The following CTIF variants were observed in gnomAD, a reference collection of about 807,000 sequenced individuals.
CTIF encodes CBP80/20-dependent translation initiation factor.
In CTIF, 21 loss-of-function variants were observed where a neutral mutation model predicts 66.0. That is an observed-to-expected ratio of 0.32 (90% CI 0.23 to 0.46). CTIF has a LOEUF of 0.46. CTIF is among the 20% of genes least tolerant of loss of function. The probability of loss-of-function intolerance (pLI) is 1.00; values close to 1 mark genes in which losing one functional copy is unlikely to be tolerated. For missense variants in CTIF, 739 were observed against 812.7 expected (o/e 0.91, Z 1.10); for synonymous variants, 345 against 326.4 (o/e 1.06, Z -0.62).
chr18:48,758,284 G>A lies in CTIF; in HGVS notation c.950G>A (p.Gly317Glu). The A allele has an allele frequency of 6.2e-7, 1 of 1,613,460 alleles. No homozygotes were observed. ...ASERLPPQQS[G>E]GPEVETKRKD... ...GAGCGGCTGCCCCCACAGCAGTCAG[G>A]GGGGCCAGAGGTTGAGACAAAACGT... The change falls in exon 8 of 12, where the codon GGG becomes GAG. Residue 317 changes from glycine (G) to glutamate (E), a missense_variant. Physicochemically the swap from Gly to Glu is moderately conservative, Grantham distance 98. Coordinates refer to ENST00000256413, the MANE Select transcript of CTIF (RefSeq NM_014772.3).
chr18:48,814,387 C>A (rs1194332445), intron 9 of CTIF, among the ~76,000 whole-genome samples: 1 of 152,300 alleles, frequency 6.6e-6, no homozygotes, highest in East Asian at 1.9e-4. Context: ...GGGGTCCCAA[C>A]ATCAGCAGCC....
At chr18:48,596,273 G>A (rs2089985623) in intron 1 of CTIF, among the ~76,000 whole-genome samples, 1 of 152,176 alleles carries the variant, frequency 6.6e-6, no homozygotes, top group Non-Finnish European at 1.5e-5. Flanking sequence ...AGGGCTCTGT[G>A]ATCACAGGGG....
intron 10 of CTIF, among the ~76,000 whole-genome samples, chr18:48,839,147 C>T (rs572264712): frequency 2.1e-4 from 32 of 152,244 alleles, no homozygotes; most frequent in African/African-American, 7.5e-4. Flanking sequence ...TCGGCTAGGC[C>T]ACTGTTTCCT....
At chr18:48,796,453 G>A (rs1330155219) in intron 9 of CTIF, among the ~76,000 whole-genome samples, 1 of 152,190 alleles carries the variant, frequency 6.6e-6, no homozygotes, top group African/African-American at 2.4e-5. Context: ...TGGGATTACA[G>A]GTGTGAGCCA....
chr18:48,593,877 C>T (rs2089940441), intron 1 of CTIF, among the ~76,000 whole-genome samples: 1 of 151,910 alleles, frequency 6.6e-6, no homozygotes, highest in Non-Finnish European at 1.5e-5. Context: ...AGGGCCAGGC[C>T]CAGTGATGCT....
intron 10 of CTIF, among the ~76,000 whole-genome samples, chr18:48,828,271 G>A (rs1241112748): frequency 6.6e-6 from 1 of 152,140 alleles, no homozygotes; most frequent in Non-Finnish European, 1.5e-5. Context: ...CATGGCTCAG[G>A]AGGACATCTC....
At chr18:48,720,697 G>A (rs2092326984) in intron 7 of CTIF, among the ~76,000 whole-genome samples, 1 of 152,144 alleles carries the variant, frequency 6.6e-6, no homozygotes, top group Admixed American at 6.5e-5. Flanking sequence ...CAAGCCAGAT[G>A]TCCAGGTCCA....
chr18:48,630,741 T>C (rs543680245), intron 2 of CTIF, among the ~76,000 whole-genome samples: 6 of 152,140 alleles, frequency 3.9e-5, no homozygotes, highest in African/African-American at 1.4e-4. Context: ...GGTGGCGCGA[T>C]CTCTGCTTAC....
intron 1 of CTIF, among the ~76,000 whole-genome samples, chr18:48,546,381 C>T (rs1296749230): frequency 6.6e-6 from 1 of 152,132 alleles, no homozygotes; most frequent in Non-Finnish European, 1.5e-5. Context: ...GGTGGGAGGT[C>T]AGTCAGGGAA....
chr18:48,547,046 T>A (rs1196237905), intron 1 of CTIF, among the ~76,000 whole-genome samples: 1 of 152,162 alleles, frequency 6.6e-6, no homozygotes, highest in African/African-American at 2.4e-5. Context: ...TGCCCTTTGC[T>A]GACTTAAATC....
intron 9 of CTIF, among the ~76,000 whole-genome samples, chr18:48,791,392 G>A (rs1458855985): frequency 6.6e-6 from 1 of 152,160 alleles, no homozygotes; most frequent in African/African-American, 2.4e-5. Flanking sequence ...CCTTCTTTAA[G>A]AGAAAGGCAG....
At chr18:48,730,428 C>G (rs28589287) in intron 7 of CTIF, among the ~76,000 whole-genome samples, 1,805 of 23,800 alleles carry the variant, frequency 0.076, 44 homozygotes, top group Middle Eastern at 0.18. Context: ...GGCCCCTGCG[C>G]TGTGAGGGGC....
chr18:48,581,170 G>T (rs143319106), intron 1 of CTIF, among the ~76,000 whole-genome samples: 11 of 151,666 alleles, frequency 7.3e-5, no homozygotes, highest in Admixed American at 6.6e-5. Flanking sequence ...TACTGTTTTC[G>T]CAAATGCAGG....
Position 48,839,601 on chromosome 18 carries a change from A to AAC in CTIF, c.1528-17987_1528-17986insAC, listed in dbSNP as rs1568260152. On this transcript the variant is annotated intron_variant, in intron 10 of 11. Coordinates refer to ENST00000256413, the MANE Select transcript of CTIF (RefSeq NM_014772.3). ...GACACAGAGGGGTTGCCTGTATTGC[A>AAC]CAACATGACTGGTGGGGCGGCTGAA... Among the ~76,000 whole-genome samples the AAC allele has an allele frequency of 2.0e-5, 3 of 152,336 alleles. No individual in the cohort carries two copies. In the East Asian group the frequency reaches 5.8e-4, roughly 29 times the overall value.
At chr18:48,772,888 T>G (rs1346783175) in intron 9 of CTIF, among the ~76,000 whole-genome samples, 2 of 152,218 alleles carry the variant, frequency 1.3e-5, no homozygotes, top group African/African-American at 4.8e-5. Context: ...AATTTTATCT[T>G]TAGCTTTTTG....
At chr18:48,654,724 C>G (rs184959494) in intron 3 of CTIF, among the ~76,000 whole-genome samples, 2 of 152,310 alleles carry the variant, frequency 1.3e-5, no homozygotes, top group Admixed American at 6.5e-5. Context: ...GGAACCAACC[C>G]AAATGTCTAC....
At chr18:48,787,155 A>G (rs1053380438) in intron 9 of CTIF, among the ~76,000 whole-genome samples, 2 of 151,882 alleles carry the variant, frequency 1.3e-5, no homozygotes, top group Non-Finnish European at 2.9e-5. Context: ...TGTGGGGGGC[A>G]CCGGCCCAGA....
At chr18:48,764,564 AG>A (rs1909328758) in intron 9 of CTIF, among the ~76,000 whole-genome samples, 2 of 152,114 alleles carry the variant, frequency 1.3e-5, no homozygotes. Flanking sequence ...CTCCCGGGCT[AG>A]GGGCCTGCAG....
At chr18:48,632,784 G>A (rs368994227) in intron 2 of CTIF, among the ~76,000 whole-genome samples, 3 of 152,064 alleles carry the variant, frequency 2.0e-5, no homozygotes, top group Middle Eastern at 3.4e-3. Flanking sequence ...CATCTCAGCC[G>A]TGCCGTCCCC....
Sources: gnomAD v4.1 joint callset for allele counts (sites outside exome capture counted in the v4.1 genomes callset) on GRCh38, gnomAD v4.1.1 for gene constraint, MANE v1.5 for transcripts, NCBI Gene and HGNC (gene_info 2026-07-23, HGNC 2026-07-21) for gene names.